The following KIAA1549L variants were observed in gnomAD, a reference collection of about 807,000 sequenced individuals.
KIAA1549L encodes the protein UPF0606 protein KIAA1549L.
A neutral mutation model predicts 160.7 loss-of-function variants in KIAA1549L; 88 were observed. That is an observed-to-expected ratio of 0.55 (90% CI 0.46 to 0.65). The LOEUF (loss-of-function observed/expected upper bound fraction) is 0.65, where lower values mean the gene tolerates loss of function less well. KIAA1549L is among the 30% of genes least tolerant of loss of function. KIAA1549L has a pLI of 0.00. For synonymous variants in KIAA1549L, 950 were observed against 976.7 expected, an observed-to-expected ratio of 0.97 and a Z score of 0.51; for missense variants, 2,258 against 2,437.5, an observed-to-expected ratio of 0.93 and a Z score of 1.55.
intron 1 of KIAA1549L, among the ~76,000 whole-genome samples, chr11:33,519,192 A>AAGT (rs1853424187): frequency 6.6e-6 from 1 of 152,180 alleles, no homozygotes; most frequent in African/African-American, 2.4e-5. Flanking sequence ...ACTACCCTGC[A>AAGT]AGTGATCTAG....
chr11:33,551,986 A>C, intron 5 of KIAA1549L, 122 bp from the exon 6 acceptor site: 2 of 1,080,132 alleles, frequency 1.9e-6, no homozygotes, highest in South Asian at 3.8e-5. Flanking sequence ...GTCTGGCCTT[A>C]TTATTTATTT....
intron 1 of KIAA1549L, chr11:33,403,362 G>GACACACGCAC (rs1214883759): frequency 3.6e-5 from 1 of 27,418 alleles, no homozygotes; most frequent in African/African-American, 1.0e-4. Context: ...GACACACACA[G>GACACACGCAC]ACACATGCAG....
At position 33,621,804 on chromosome 11, in the gene KIAA1549L, C is replaced by G. The variant is rs540319244; in HGVS notation, c.5409+3142C>G. Among the ~76,000 whole-genome samples the G allele has an allele frequency of 2.1e-3, 323 of 152,280 alleles. 2 individuals are homozygous for G. The highest frequency in any genetic ancestry group is 4.4e-3 in the Admixed American group (67 of 15,298). Reference sequence around the variant, plus strand: ...GGTAAGTAATCATTAAATCATCCCCCAGAAAGAAAAATGCACCTCTTCAAC... The same window carrying G: ...GGTAAGTAATCATTAAATCATCCCCGAGAAAGAAAAATGCACCTCTTCAAC... On this transcript the variant is annotated intron_variant, in intron 16 of 20. Transcript: ENST00000658780.
At chr11:33,422,341 G>C (rs1851030354) in intron 1 of KIAA1549L, among the ~76,000 whole-genome samples, 1 of 152,040 alleles carries the variant, frequency 6.6e-6, no homozygotes, top group Admixed American at 6.5e-5. Context: ...AGTTTCTAGG[G>C]CATGTCTTGT....
At chr11:33,518,309 G>A (rs1853401400) in intron 1 of KIAA1549L, among the ~76,000 whole-genome samples, 1 of 152,114 alleles carries the variant, frequency 6.6e-6, no homozygotes. Context: ...CTACAATTGG[G>A]AAACTGAGGC....
At chr11:33,632,866 G>A (rs1590419527) in intron 16 of KIAA1549L, among the ~76,000 whole-genome samples, 1 of 152,082 alleles carries the variant, frequency 6.6e-6, no homozygotes, top group South Asian at 2.1e-4. Context: ...AGAGTGCTGG[G>A]ATTATAAACA....
At chr11:33,644,079 A>G (rs1851656565) in intron 16 of KIAA1549L, among the ~76,000 whole-genome samples, 1 of 152,146 alleles carries the variant, frequency 6.6e-6, no homozygotes, top group Admixed American at 6.5e-5. Context: ...TTTACATTCT[A>G]CTCCAGAATC....
intron 1 of KIAA1549L, among the ~76,000 whole-genome samples, chr11:33,383,400 G>C (rs1850112087): frequency 6.6e-6 from 1 of 152,040 alleles, no homozygotes; most frequent in South Asian, 2.1e-4. Flanking sequence ...CACACAGAGG[G>C]ACACATTATT....
At chr11:33,522,004 A>G (rs1485747479) in intron 1 of KIAA1549L, among the ~76,000 whole-genome samples, 2 of 152,234 alleles carry the variant, frequency 1.3e-5, no homozygotes, top group African/African-American at 4.8e-5. Context: ...CAAATGAGAG[A>G]CAGTGTAGCC....
chr11:33,580,876 G>A (rs1313143388), intron 10 of KIAA1549L, among the ~76,000 whole-genome samples: 1 of 152,216 alleles, frequency 6.6e-6, no homozygotes, highest in Non-Finnish European at 1.5e-5. Flanking sequence ...GCTAGGGCAT[G>A]TTGAGAAGAT....
chr11:33,540,429 T>C (rs1327548616), intron 1 of KIAA1549L, among the ~76,000 whole-genome samples: 1 of 152,212 alleles, frequency 6.6e-6, no homozygotes, highest in Non-Finnish European at 1.5e-5. Flanking sequence ...TATACAGATG[T>C]TATATTTACC....
Position 33,603,358 on chromosome 11 carries a change from G to A in KIAA1549L, c.4880-3283G>A, listed in dbSNP as rs1850412107. On this transcript the variant is annotated intron_variant, in intron 13 of 20. Coordinates refer to ENST00000658780, the MANE Select transcript of KIAA1549L (RefSeq NM_012194.3). ...AAAATAGAACAGGGTAATGAAGGGG[G>A]GATTAGATTGTTGGTTAAGGAAAGT... 2.0e-5 allele frequency among the ~76,000 whole-genome samples: 3 copies of A among 151,830 alleles called. No individual in the cohort carries two copies. The South Asian group carries it at 6.2e-4, about 32-fold the overall frequency.
intron 12 of KIAA1549L, among the ~76,000 whole-genome samples, chr11:33,594,917 G>A (rs567538182): frequency 1.6e-4 from 25 of 152,232 alleles, no homozygotes; most frequent in African/African-American, 5.8e-4. Context: ...TACAACAAAG[G>A]CTTATTAATA....
chr11:33,623,184 C>G (rs1005557171), intron 16 of KIAA1549L, among the ~76,000 whole-genome samples: 5 of 152,172 alleles, frequency 3.3e-5, no homozygotes, highest in African/African-American at 9.7e-5. Flanking sequence ...GGACCAAGGC[C>G]AACACAGGAA....
intron 1 of KIAA1549L, among the ~76,000 whole-genome samples, chr11:33,520,797 G>A (rs1335721898): frequency 6.6e-6 from 1 of 150,844 alleles, no homozygotes; most frequent in African/African-American, 2.4e-5. Flanking sequence ...TTGGTTGGGT[G>A]AAAACTTTGC....
intron 10 of KIAA1549L, among the ~76,000 whole-genome samples, chr11:33,577,191 T>G (rs187463918): frequency 6.6e-6 from 1 of 151,594 alleles, no homozygotes. Context: ...CATGACAGGG[T>G]AGAGATTAAG....
At position 33,670,031 on chromosome 11, in the gene KIAA1549L, G is replaced by A. The variant is rs927763809; in HGVS notation, c.*1877G>A. On this transcript the variant is annotated 3_prime_UTR_variant, in exon 21 of 21. Transcript: ENST00000658780. ...GTTTGCAAAACACTGTGGACAGTGC[G>A]AGATTTTATTGACAGGTTAACACAA... The A allele has an allele frequency of 1.1e-4, 16 of 152,186 alleles. No homozygotes were observed. Among genetic ancestry groups the A allele is most frequent in the African/African-American group, 3.6e-4 (15 of 41,448 alleles). The allele number at this position is 152,186 out of a possible 1,614,324, so 9.4% of individuals were successfully genotyped here. A position where few individuals can be genotyped will look rare whatever the true frequency, so the allele number is the denominator to read the frequency against.
At chr11:33,387,932 G>A (rs1004960183) in intron 1 of KIAA1549L, among the ~76,000 whole-genome samples, 1 of 152,150 alleles carries the variant, frequency 6.6e-6, no homozygotes, top group Admixed American at 6.5e-5. Flanking sequence ...AAAGGGAAGA[G>A]TTTTCCCACA....
intron 16 of KIAA1549L, among the ~76,000 whole-genome samples, chr11:33,628,503 CTCT>C (rs1851183159): frequency 6.7e-6 from 1 of 150,020 alleles, no homozygotes; most frequent in Non-Finnish European, 1.5e-5. Flanking sequence ...GGATAGTTAG[CTCT>C]TCTTGTTGAA....
Sources: allele counts gnomAD v4.1 joint callset (sites outside exome capture counted in the v4.1 genomes callset), GRCh38; gene constraint gnomAD v4.1.1; transcripts MANE v1.5; gene names NCBI Gene and HGNC (gene_info 2026-07-23, HGNC 2026-07-21).